Variants in CPE observed in about 807,000 individuals in gnomAD.
The protein encoded by CPE is carbocypeptidase E.
A neutral mutation model predicts 53.5 loss-of-function variants in CPE; 17 were observed. That is an observed-to-expected ratio of 0.32 (90% CI 0.22 to 0.48). The LOEUF is 0.48. CPE is among the 20% of genes least tolerant of loss of function. The probability of loss-of-function intolerance (pLI) is 0.99; values close to 1 mark genes in which losing one functional copy is unlikely to be tolerated. For missense variants in CPE, 524 were observed against 614.7 expected (o/e 0.85, Z 1.56); for synonymous variants, 226 against 228.8 (o/e 0.99, Z 0.11).
intron 1 of CPE, among the ~76,000 whole-genome samples, chr4:165,432,943 A>C (rs372018493): frequency 1.3e-5 from 2 of 152,344 alleles, no homozygotes; most frequent in South Asian, 4.1e-4. Context: ...CTCCACCGCC[A>C]ACCTAGTCCA....
In CPE at chr4:165,484,434, A is replaced by G. The variant is rs1240743664; in HGVS notation, c.803A>G (p.Glu268Gly). Residue 268 changes from glutamate to glycine, a missense_variant, in exon 5 of 9, where the codon GAA (glutamate) becomes GGA (glycine). By Grantham distance (98) the Glu-to-Gly change is moderately conservative (BLOSUM62 -2). Transcript: ENST00000402744. ...ATTTGTTTTCTAGGTAGTGCTCACG[A>G]ATACAGCTCCTCCCCAGATGACGCC... is the stretch of plus-strand genomic sequence containing the variant. ...YDETRSGSAH[E>G]YSSSPDDAIF... The G allele has an allele frequency of 1.8e-5, 29 of 1,613,866 alleles. No homozygotes were observed. The highest frequency in any genetic ancestry group is 2.5e-5 in the Non-Finnish European group (29 of 1,179,834).
At chr4:165,444,515 A>G (rs1048436360) in intron 1 of CPE, among the ~76,000 whole-genome samples, 1 of 152,114 alleles carries the variant, frequency 6.6e-6, no homozygotes, top group Non-Finnish European at 1.5e-5. Context: ...AAAAAAATTA[A>G]AAAAGAAAAG....
intron 1 of CPE, among the ~76,000 whole-genome samples, chr4:165,458,366 A>G (rs558523730): frequency 1.3e-5 from 2 of 152,316 alleles, no homozygotes; most frequent in South Asian, 2.1e-4. Flanking sequence ...ATGTACCAGG[A>G]ACACGTGTTT....
chr4:165,436,534 G>T (rs1368826305), intron 1 of CPE, among the ~76,000 whole-genome samples: 1 of 152,122 alleles, frequency 6.6e-6, no homozygotes. Context: ...TCATACTATT[G>T]TATGGCTGTG....
In CPE at chr4:165,381,495, C is replaced by T. The variant is rs113132717; in HGVS notation, c.307+1967C>T. 3.2e-3 allele frequency: 1,107 copies of T among 344,254 alleles called. 12 individuals carry two copies. Among genetic ancestry groups the T allele is most frequent in the African/African-American group, 0.021 (992 of 46,470 alleles). 21.3% of individuals were successfully genotyped at this position (344,254 alleles called of 1,614,324 possible). ...CATTCAAAATACGTTGATTGAATTCCTCTTACAGAGACAAACTCGGAAGTG... is the reference window on the plus strand; with the variant it reads ...CATTCAAAATACGTTGATTGAATTCTTCTTACAGAGACAAACTCGGAAGTG... On this transcript the variant is annotated intron_variant, in intron 1 of 8. Transcript: ENST00000402744.
chr4:165,460,068 G>GACGT (rs1376929595), intron 1 of CPE, among the ~76,000 whole-genome samples: 2 of 152,058 alleles, frequency 1.3e-5, no homozygotes, highest in Non-Finnish European at 2.9e-5. Flanking sequence ...AACACACAGG[G>GACGT]ACGTGTACAT....
At chr4:165,496,842 C>T (rs967369814) in intron 8 of CPE, among the ~76,000 whole-genome samples, 2 of 152,250 alleles carry the variant, frequency 1.3e-5, no homozygotes, top group Non-Finnish European at 2.9e-5. Context: ...TTCCCTCCCA[C>T]ATTAGGAAAA....
intron 1 of CPE, among the ~76,000 whole-genome samples, chr4:165,422,155 G>A (rs1731234238): frequency 6.6e-6 from 1 of 151,752 alleles, no homozygotes; most frequent in Non-Finnish European, 1.5e-5. Flanking sequence ...GCTTTTTCTT[G>A]GCACAGTTAT....
At chr4:165,477,555 ATGTT>A in intron 3 of CPE, among the ~76,000 whole-genome samples, 1 of 152,240 alleles carries the variant, frequency 6.6e-6, no homozygotes, top group African/African-American at 2.4e-5. Context: ...CAGTTCATTA[ATGTT>A]ATTATACATT....
Position 165,385,764 on chromosome 4 carries a change from C to A in CPE, c.307+6236C>A, listed in dbSNP as rs1048555402. Among the ~76,000 whole-genome samples, 132 of 152,266 alleles carry A rather than the reference C, an allele frequency of 8.7e-4. 1 individual carries two copies. The highest frequency in any genetic ancestry group is 1.5e-4 in the Non-Finnish European group (10 of 68,012). On this transcript the variant is annotated intron_variant, in intron 1 of 8. Coordinates refer to ENST00000402744, the MANE Select transcript of CPE (RefSeq NM_001873.4). ...AGTGTGCATCAGTATTTGAGAATGT[C>A]TTTATGGTTGTTTCTTTAGGTAGCC...
In CPE at chr4:165,464,602, C is replaced by G. The variant is rs376507866; in HGVS notation, c.504+16C>G. 2 of 1,589,768 alleles carry G rather than the reference C, an allele frequency of 1.3e-6. No homozygotes were observed. Among genetic ancestry groups the G allele is most frequent in the Non-Finnish European group, 1.7e-6 (2 of 1,167,994 alleles). On this transcript the variant is annotated intron_variant, in intron 2 of 8. Transcript: ENST00000402744. ...AGCGTCTCAGGTGAGTGCCAGGCAG[C>G]TCAGATCAGGCGTGCTTTCTTCATT...
At chr4:165,493,816 G>C (rs1300371869) in intron 7 of CPE, among the ~76,000 whole-genome samples, 3 of 152,260 alleles carry the variant, frequency 2.0e-5, no homozygotes, top group African/African-American at 7.2e-5. Context: ...GTGACTTCCA[G>C]GTTTTGAGCT....
chr4:165,496,598 C>T (rs1453791607), intron 8 of CPE, among the ~76,000 whole-genome samples: 1 of 152,112 alleles, frequency 6.6e-6, no homozygotes, highest in African/African-American at 2.4e-5. Flanking sequence ...TCAAGAAACT[C>T]TTAGTTCCAT....
chr4:165,416,253 G>A (rs1731119698), intron 1 of CPE, among the ~76,000 whole-genome samples: 1 of 152,148 alleles, frequency 6.6e-6, no homozygotes, highest in Non-Finnish European at 1.5e-5. Context: ...GCACATGGGA[G>A]GGTCTTCACC....
At chr4:165,494,238 A>C (rs1050211363) in intron 7 of CPE, among the ~76,000 whole-genome samples, 6 of 152,334 alleles carry the variant, frequency 3.9e-5, no homozygotes, top group Middle Eastern at 6.8e-3. Flanking sequence ...CAGCGTTAGT[A>C]TCCCTGCCAC....
rs1730862859 is a variant in CPE at position 165,401,216 on chromosome 4, T to C, written c.307+21688T>C. 2.0e-5 allele frequency among the ~76,000 whole-genome samples: 3 copies of C among 152,184 alleles called. No individual in the cohort carries two copies. In the South Asian group the frequency reaches 6.2e-4, roughly 31 times the overall value. ...TGTAAGTGGTGCCATTGCTTAGAGT[T>C]CTGTTCTTGGTTTCTTCTCTTCGTT... On this transcript the variant is annotated intron_variant, in intron 1 of 8. Coordinates refer to ENST00000402744, the MANE Select transcript of CPE (RefSeq NM_001873.4).
At chr4:165,457,959 G>T (rs1397799216) in intron 1 of CPE, among the ~76,000 whole-genome samples, 1 of 152,062 alleles carries the variant, frequency 6.6e-6, no homozygotes, top group Non-Finnish European at 1.5e-5. Context: ...GCATTTTTAG[G>T]CTGCTAAAAT....
At chr4:165,401,941 T>C (rs1008494412) in intron 1 of CPE, among the ~76,000 whole-genome samples, 6 of 152,148 alleles carry the variant, frequency 3.9e-5, no homozygotes, top group Non-Finnish European at 7.4e-5. Flanking sequence ...GATAGAGTAA[T>C]ACTGGCATAA....
chr4:165,390,029 ATCTAG>A (rs1730655690), intron 1 of CPE, among the ~76,000 whole-genome samples: 1 of 152,160 alleles, frequency 6.6e-6, no homozygotes, highest in South Asian at 2.1e-4. Context: ...CACATATTAG[ATCTAG>A]TTATACACAC....
Sources: allele counts gnomAD v4.1 joint callset (sites outside exome capture counted in the v4.1 genomes callset), GRCh38; gene constraint gnomAD v4.1.1; transcripts MANE v1.5; gene names NCBI Gene and HGNC (gene_info 2026-07-23, HGNC 2026-07-21).